Variants in ABCB5 observed in about 807,000 individuals in gnomAD.
ABCB5 encodes ATP binding cassette subfamily B member 5.
Under a neutral mutation model 144.2 loss-of-function variants are expected in ABCB5, and 155 were observed. The ratio of observed to expected loss-of-function variants is 1.08; its 90% CI spans 0.94 to 1.23. ABCB5 has a LOEUF of 1.23. ABCB5 is among the 50% of genes most tolerant of loss of function. ABCB5 has a pLI of 0.00. For missense variants in ABCB5, 1,830 were observed against 1,520.8 expected, an observed-to-expected ratio of 1.20 and a Z score of -3.38; for synonymous variants, 610 against 528.6, an observed-to-expected ratio of 1.15 and a Z score of -2.11.
At chr7:20,716,253 T>G (rs1395182113) in intron 20 of ABCB5, among the ~76,000 whole-genome samples, 1 of 152,170 alleles carries the variant, frequency 6.6e-6, no homozygotes, top group South Asian at 2.1e-4. Context: ...TGGAAATTAA[T>G]ACATGTATCA....
At chr7:20,666,084 C>T (rs1785183586) in intron 14 of ABCB5, among the ~76,000 whole-genome samples, 1 of 151,478 alleles carries the variant, frequency 6.6e-6, no homozygotes, top group Non-Finnish European at 1.5e-5. Flanking sequence ...GCAGGAGAAT[C>T]GCTTGAACCC....
At chr7:20,677,524 T>C (rs1162936015) in intron 14 of ABCB5, among the ~76,000 whole-genome samples, 2 of 151,292 alleles carry the variant, frequency 1.3e-5, no homozygotes, top group Non-Finnish European at 2.9e-5. Context: ...AGGTCAGGAG[T>C]TCAAGAACAG....
chr7:20,697,084 T>C (rs960183169), intron 16 of ABCB5, among the ~76,000 whole-genome samples: 28 of 152,338 alleles, frequency 1.8e-4, no homozygotes, highest in African/African-American at 6.7e-4. Context: ...TAAATTTTTG[T>C]ACATTCTTTT....
intron 14 of ABCB5, among the ~76,000 whole-genome samples, chr7:20,663,582 G>A (rs1271564481): frequency 1.3e-5 from 2 of 152,138 alleles, no homozygotes; most frequent in African/African-American, 2.4e-5. Flanking sequence ...AGGGGCTTGG[G>A]GGATGGGAAA....
intron 5 of ABCB5, among the ~76,000 whole-genome samples, chr7:20,639,267 A>G (rs572880688): frequency 1.3e-5 from 2 of 152,140 alleles, no homozygotes; most frequent in Non-Finnish European, 2.9e-5. Flanking sequence ...TCTTTGTTGG[A>G]TATACAATTG....
At chr7:20,633,458 T>C (rs1010968681) in intron 5 of ABCB5, among the ~76,000 whole-genome samples, 1 of 152,124 alleles carries the variant, frequency 6.6e-6, no homozygotes, top group South Asian at 2.1e-4. Context: ...TTCTGGGCCT[T>C]AATTCTTTTT....
intron 14 of ABCB5, chr7:20,666,626 G>C: frequency 8.7e-7 from 1 of 1,154,780 alleles, no homozygotes. Context: ...TGTCAGCAAA[G>C]TGTCAAGTAG....
rs569972317 is a variant in ABCB5, at chr7:20,641,495, C to T, written c.315-1689C>T. The T allele has an allele frequency of 1.7e-3, 267 of 152,858 alleles. 1 individual carries two copies. Among genetic ancestry groups the T allele is most frequent in the Non-Finnish European group, 3.0e-3 (202 of 68,088 alleles). The allele number at this position is 152,858 out of a possible 1,614,324, so 9.5% of individuals were successfully genotyped here. A position where few individuals can be genotyped will look rare whatever the true frequency, so the allele number is the denominator to read the frequency against. ...CCTAGGAGTTTGAGGACAGCCTGGG[C>T]AACATACCCAGATCCCGTCTTTTTA... On this transcript the variant is annotated intron_variant, in intron 5 of 27. Transcript: ENST00000404938.
chr7:20,626,417 T>A (rs1783910633), intron 2 of ABCB5, 140 bp from the exon 3 acceptor site: 5 of 639,500 alleles, frequency 7.8e-6, no homozygotes, highest in Non-Finnish European at 1.3e-5. Context: ...TGTCTATCAT[T>A]AAGTTTATTT....
intron 14 of ABCB5, chr7:20,660,298 A>T (rs1014446470): frequency 4.2e-5 from 41 of 985,092 alleles, no homozygotes; most frequent in Non-Finnish European, 1.2e-5. Flanking sequence ...GCTATGTGGC[A>T]TAATTATGGG....
chr7:20,692,362 A>T (rs544108441), intron 16 of ABCB5, among the ~76,000 whole-genome samples: 11 of 152,128 alleles, frequency 7.2e-5, no homozygotes, highest in African/African-American at 2.6e-4. Context: ...AAAAGAAAAC[A>T]CCTCAAATCA....
intron 23 of ABCB5, among the ~76,000 whole-genome samples, chr7:20,735,466 T>C (rs2086796432): frequency 6.6e-6 from 1 of 152,140 alleles, no homozygotes; most frequent in South Asian, 2.1e-4. Context: ...ATTGCTGTGT[T>C]AAGGAAAGCA....
intron 27 of ABCB5, among the ~76,000 whole-genome samples, chr7:20,754,395 A>G (rs1336972267): frequency 2.6e-5 from 4 of 152,238 alleles, no homozygotes; most frequent in Non-Finnish European, 5.9e-5. Context: ...TGTAATCCTT[A>G]CTTCATCAGT....
chr7:20,645,664 C>A, intron 7 of ABCB5, 92 bp from the exon 8 acceptor site: 1 of 1,449,674 alleles, frequency 6.9e-7, no homozygotes, highest in Non-Finnish European at 9.4e-7. Flanking sequence ...TACCATTAGT[C>A]TACTTAGAAT....
At chr7:20,639,823 G>C (rs1184266516) in intron 5 of ABCB5, among the ~76,000 whole-genome samples, 2 of 152,018 alleles carry the variant, frequency 1.3e-5, no homozygotes, top group African/African-American at 4.8e-5. Context: ...AATTACTTTG[G>C]CTATTCTGAG....
intron 14 of ABCB5, among the ~76,000 whole-genome samples, chr7:20,668,520 G>C (rs866710299): frequency 2.6e-3 from 388 of 151,366 alleles, no homozygotes; most frequent in African/African-American, 9.2e-3. Context: ...GAGCCCCTCC[G>C]TCCGGCAGCC....
At position 20,643,451 on chromosome 7, in the gene ABCB5, C is replaced by T. The variant is rs372654621; in HGVS notation, c.507-10C>T. On this transcript the variant is annotated splice_polypyrimidine_tract_variant and intron_variant, in intron 6 of 27. Coordinates refer to ENST00000404938, the MANE Select transcript of ABCB5 (RefSeq NM_001163941.2). ...TAAATGACCTAACTACATTTATTTG[C>T]TTGTTTCAGTGACATTGACAAAATC... The T allele has an allele frequency of 9.3e-6, 15 of 1,613,724 alleles. No individual in the cohort carries two copies. The highest frequency in any genetic ancestry group is 1.2e-5 in the Non-Finnish European group (14 of 1,179,776).
At chr7:20,640,279 A>T (rs1209166028) in intron 5 of ABCB5, among the ~76,000 whole-genome samples, 2 of 152,218 alleles carry the variant, frequency 1.3e-5, no homozygotes, top group Non-Finnish European at 2.9e-5. Flanking sequence ...GGAGAAATAC[A>T]GTGTTAGGAT....
intron 13 of ABCB5, 62 bp from the exon 14 acceptor site, chr7:20,658,444 C>T: frequency 1.3e-6 from 2 of 1,526,264 alleles, no homozygotes; most frequent in Admixed American, 1.8e-5. Context: ...TTGTCATTTC[C>T]TGTTCTAACC....
Sources: allele counts gnomAD v4.1 joint callset (sites outside exome capture counted in the v4.1 genomes callset), GRCh38; gene constraint gnomAD v4.1.1; transcripts MANE v1.5; gene names NCBI Gene and HGNC (gene_info 2026-07-23, HGNC 2026-07-21).